The following SPOCK1 variants were observed in gnomAD, a reference collection of about 807,000 sequenced individuals.
SPOCK1 encodes testican-1.
Under a neutral mutation model 55.3 loss-of-function variants are expected in SPOCK1, and 23 were observed. That is an observed-to-expected ratio of 0.42 (90% CI 0.30 to 0.59). SPOCK1 has a LOEUF of 0.59. Among genes scored for constraint, SPOCK1 ranks in the 20% least tolerant of loss-of-function variants. The pLI is 0.22. For synonymous variants in SPOCK1, 226 were observed against 221.0 expected (o/e 1.02, Z -0.20); for missense variants, 499 against 552.5 (o/e 0.90, Z 0.97).
At chr5:137,036,524 G>C (rs1230955558) in intron 6 of SPOCK1, among the ~76,000 whole-genome samples, 3 of 152,326 alleles carry the variant, frequency 2.0e-5, no homozygotes, top group East Asian at 3.9e-4. Flanking sequence ...TGAGGGCAGG[G>C]ATGGCATGTC....
At chr5:137,318,717 T>C (rs1293308900) in intron 2 of SPOCK1, among the ~76,000 whole-genome samples, 9 of 152,226 alleles carry the variant, frequency 5.9e-5, no homozygotes, top group African/African-American at 2.2e-4. Context: ...TTCCCTTCTT[T>C]GAAAGTAAAG....
At chr5:137,205,700 C>T (rs982269626) in intron 3 of SPOCK1, among the ~76,000 whole-genome samples, 1 of 152,124 alleles carries the variant, frequency 6.6e-6, no homozygotes, top group African/African-American at 2.4e-5. Flanking sequence ...GAAGGTCAAA[C>T]AACATTTCTT....
intron 2 of SPOCK1, among the ~76,000 whole-genome samples, chr5:137,296,315 C>A (rs368688932): frequency 6.6e-6 from 1 of 152,150 alleles, no homozygotes; most frequent in African/African-American, 2.4e-5. Context: ...AATATGCATG[C>A]CTTTCTCAAA....
chr5:137,274,328 G>A (rs1243675712), intron 2 of SPOCK1, among the ~76,000 whole-genome samples: 3 of 152,190 alleles, frequency 2.0e-5, no homozygotes, highest in Non-Finnish European at 4.4e-5. Context: ...AGAAGATACT[G>A]TAAACATGGC....
chr5:137,424,042 C>A (rs1295023306), intron 2 of SPOCK1, among the ~76,000 whole-genome samples: 2 of 151,932 alleles, frequency 1.3e-5, no homozygotes, highest in African/African-American at 4.8e-5. Flanking sequence ...TGTTGAAAGT[C>A]TATCCTTTTC....
At chr5:137,023,144 T>C (rs1390978888) in intron 6 of SPOCK1, among the ~76,000 whole-genome samples, 1 of 152,200 alleles carries the variant, frequency 6.6e-6, no homozygotes, top group Non-Finnish European at 1.5e-5. Flanking sequence ...AATGTCTTCA[T>C]CTTAAGAATG....
rs76336005 is a variant in SPOCK1 at position 137,331,428 on chromosome 5, G to A, written c.187-64373C>T. ...CACTAGGGCCCACAAGAGAGAAGATGACTCCAAAAGACCTGCGCATTGGGC... is the reference window on the plus strand; with the variant it reads ...CACTAGGGCCCACAAGAGAGAAGATAACTCCAAAAGACCTGCGCATTGGGC... On this transcript the variant is annotated intron_variant, in intron 2 of 10. Coordinates refer to ENST00000394945, the MANE Select transcript of SPOCK1 (RefSeq NM_004598.4). Among the ~76,000 whole-genome samples the A allele has an allele frequency of 8.2e-3, 1,242 of 152,288 alleles. 18 individuals are homozygous for A. Among genetic ancestry groups the A allele is most frequent in the African/African-American group, 0.028 (1,169 of 41,546 alleles).
chr5:137,133,400 G>C (rs13153050), intron 4 of SPOCK1, among the ~76,000 whole-genome samples: 65,171 of 151,418 alleles, frequency 0.43, 14,213 homozygotes, highest in Middle Eastern at 0.51. Flanking sequence ...TATTTGTAAA[G>C]GGGGACCCCC....
At chr5:137,160,534 A>C (rs1257006818) in intron 3 of SPOCK1, among the ~76,000 whole-genome samples, 1 of 55,044 alleles carries the variant, frequency 1.8e-5, no homozygotes, top group Non-Finnish European at 3.2e-5. Flanking sequence ...ATATATAAAA[A>C]TATATAATAT....
chr5:137,115,718 A>AAGGTAGGACTCTAGTGG (rs1489184223), intron 4 of SPOCK1, among the ~76,000 whole-genome samples: 1 of 152,160 alleles, frequency 6.6e-6, no homozygotes, highest in Non-Finnish European at 1.5e-5. Flanking sequence ...TTACCTCCAC[A>AAGGTAGGACTCTAGTGG]AGGTAGGACT....
At chr5:137,497,387 C>A (rs914782897) in intron 2 of SPOCK1, among the ~76,000 whole-genome samples, 8 of 152,238 alleles carry the variant, frequency 5.3e-5, no homozygotes, top group Admixed American at 3.9e-4. Flanking sequence ...TACTGTTATG[C>A]CTTGGGCACT....
chr5:137,431,310 A>T (rs1038841158), intron 2 of SPOCK1, among the ~76,000 whole-genome samples: 1 of 152,214 alleles, frequency 6.6e-6, no homozygotes, highest in African/African-American at 2.4e-5. Flanking sequence ...TTTGAACTAG[A>T]CACACTTGGG....
chr5:137,458,762 G>C (rs972866791), intron 2 of SPOCK1, among the ~76,000 whole-genome samples: 3 of 152,116 alleles, frequency 2.0e-5, no homozygotes, highest in Non-Finnish European at 2.9e-5. Context: ...TGCTCTGTGG[G>C]CAAAAGGGAA....
intron 3 of SPOCK1, among the ~76,000 whole-genome samples, chr5:137,160,288 T>C (rs1225542388): frequency 6.9e-6 from 1 of 144,738 alleles, no homozygotes; most frequent in African/African-American, 2.6e-5. Flanking sequence ...ATGCTGTTAA[T>C]TCATTCCTTT....
chr5:137,254,971 ACAAT>A (rs1756606491), intron 3 of SPOCK1, among the ~76,000 whole-genome samples: 2 of 152,340 alleles, frequency 1.3e-5, no homozygotes, highest in East Asian at 3.9e-4. Context: ...CAGCAACAAA[ACAAT>A]CAGAGTATTC....
At chr5:137,235,026 C>T (rs1272510707) in intron 3 of SPOCK1, among the ~76,000 whole-genome samples, 1 of 152,180 alleles carries the variant, frequency 6.6e-6, no homozygotes, top group African/African-American at 2.4e-5. Flanking sequence ...ACGGAAGTGA[C>T]AAAACCAAGT....
At chr5:137,111,002 C>T (rs1477462652) in intron 5 of SPOCK1, among the ~76,000 whole-genome samples, 4 of 152,066 alleles carry the variant, frequency 2.6e-5, no homozygotes, top group Non-Finnish European at 4.4e-5. Context: ...AAAATGTGAA[C>T]ATCTGGGAGG....
chr5:137,316,370 A>G (rs1430415731), intron 2 of SPOCK1, among the ~76,000 whole-genome samples: 4 of 152,336 alleles, frequency 2.6e-5, no homozygotes, highest in African/African-American at 9.6e-5. Flanking sequence ...TTTATGTTCT[A>G]AAAAGAAGTT....
At chr5:137,030,186 G>A (rs1483265484) in intron 6 of SPOCK1, among the ~76,000 whole-genome samples, 1 of 152,246 alleles carries the variant, frequency 6.6e-6, no homozygotes, top group Non-Finnish European at 1.5e-5. Context: ...CGGGTAGAGT[G>A]ATGGATGAAG....
Sources: allele counts gnomAD v4.1 joint callset (sites outside exome capture counted in the v4.1 genomes callset), GRCh38; gene constraint gnomAD v4.1.1; transcripts MANE v1.5; gene names NCBI Gene and HGNC (gene_info 2026-07-23, HGNC 2026-07-21).